The following CTNNA2 variants were observed in gnomAD, a reference collection of about 807,000 sequenced individuals.
CTNNA2 encodes catenin alpha 2.
In CTNNA2, 42 loss-of-function variants were observed where a neutral mutation model predicts 101.0. That is an observed-to-expected ratio of 0.42 (90% CI 0.32 to 0.54). The LOEUF is 0.54. Ranked by LOEUF, CTNNA2 falls within the 20% of genes least tolerant of loss-of-function variation. The probability of loss-of-function intolerance (pLI) is 0.14; values close to 1 mark genes in which losing one functional copy is unlikely to be tolerated. For synonymous variants in CTNNA2, 450 were observed against 456.4 expected (o/e 0.99, Z 0.18); for missense variants, 871 against 1,223.1 (o/e 0.71, Z 4.29).
chr2:80,067,644 A>C (rs554922366), intron 7 of CTNNA2, among the ~76,000 whole-genome samples: 1 of 152,204 alleles, frequency 6.6e-6, no homozygotes, highest in Non-Finnish European at 1.5e-5. Flanking sequence ...AAGATATTCA[A>C]AATTTTACAC....
intron 1 of CTNNA2, among the ~76,000 whole-genome samples, chr2:79,560,429 G>A (rs1046140288): frequency 1.3e-4 from 20 of 151,900 alleles, no homozygotes; most frequent in African/African-American, 4.8e-4. Flanking sequence ...CTTAGAATAT[G>A]GAAATAGCCT....
chr2:79,947,853 G>T (rs1437655650), intron 7 of CTNNA2, among the ~76,000 whole-genome samples: 1 of 152,160 alleles, frequency 6.6e-6, no homozygotes, highest in Non-Finnish European at 1.5e-5. Flanking sequence ...CTAAAAGAGT[G>T]TTATGAAAGA....
intron 2 of CTNNA2, among the ~76,000 whole-genome samples, chr2:79,664,567 A>C (rs114275800): frequency 0.017 from 2,646 of 152,262 alleles, 67 homozygotes; most frequent in African/African-American, 0.058. Context: ...ATGTCAGATA[A>C]ATAATAAGCC....
chr2:79,428,673 C>T (rs1001136071), intron 4 of CTNNA2, among the ~76,000 whole-genome samples: 13 of 152,106 alleles, frequency 8.5e-5, no homozygotes, highest in African/African-American at 3.1e-4. Context: ...AAGCATGCCT[C>T]AGCGTACAGT....
intron 7 of CTNNA2, among the ~76,000 whole-genome samples, chr2:80,095,170 T>C (rs1700065810): frequency 1.3e-5 from 2 of 152,252 alleles, no homozygotes; most frequent in South Asian, 4.1e-4. Context: ...TATTTTGAGA[T>C]ATGTCCCATC....
intron 8 of CTNNA2, among the ~76,000 whole-genome samples, chr2:80,408,361 G>A (rs772004829): frequency 9.2e-5 from 14 of 152,136 alleles, no homozygotes; most frequent in East Asian, 1.9e-4. Flanking sequence ...TTGAGAGCTC[G>A]TCTCTATATC....
chr2:80,614,830 A>G (rs1240582002), intron 17 of CTNNA2, among the ~76,000 whole-genome samples: 3 of 151,440 alleles, frequency 2.0e-5, no homozygotes, highest in Non-Finnish European at 3.0e-5. Context: ...ATTGAACCAA[A>G]TAATTATGGG....
intron 2 of CTNNA2, among the ~76,000 whole-genome samples, chr2:79,728,113 A>T (rs536509370): frequency 6.6e-6 from 1 of 152,300 alleles, no homozygotes; most frequent in African/African-American, 2.4e-5. Context: ...TTGCTGGGTC[A>T]AATGGTATTT....
chr2:79,725,895 T>C (rs1300730087), intron 2 of CTNNA2, among the ~76,000 whole-genome samples: 1 of 152,138 alleles, frequency 6.6e-6, no homozygotes, highest in Admixed American at 6.5e-5. Context: ...ATGATGAGAG[T>C]CCACTGATCT....
At chr2:79,331,093 T>C (rs1676860841) in intron 3 of CTNNA2, among the ~76,000 whole-genome samples, 1 of 152,170 alleles carries the variant, frequency 6.6e-6, no homozygotes, top group Non-Finnish European at 1.5e-5. Flanking sequence ...AAGATTTTTT[T>C]CTCTTTTGAT....
At chr2:80,226,979 T>C (rs1400502821) in intron 7 of CTNNA2, among the ~76,000 whole-genome samples, 1 of 152,162 alleles carries the variant, frequency 6.6e-6, no homozygotes, top group Non-Finnish European at 1.5e-5. Flanking sequence ...TATGTTATCA[T>C]GGATGCTAAA....
chr2:79,894,075 C>T (rs1226350802), intron 6 of CTNNA2, among the ~76,000 whole-genome samples: 1 of 149,988 alleles, frequency 6.7e-6, no homozygotes, highest in Non-Finnish European at 1.5e-5. Context: ...CCTCCTCCTC[C>T]TCCTCCTTCT....
At chr2:79,245,736 T>G (rs1180030539) in intron 2 of CTNNA2, among the ~76,000 whole-genome samples, 1 of 152,220 alleles carries the variant, frequency 6.6e-6, no homozygotes, top group Admixed American at 6.5e-5. Context: ...ACTTATATTC[T>G]AAGAGATATT....
At chr2:79,880,166 G>A (rs1159858803) in intron 6 of CTNNA2, among the ~76,000 whole-genome samples, 2 of 152,212 alleles carry the variant, frequency 1.3e-5, no homozygotes, top group Non-Finnish European at 2.9e-5. Flanking sequence ...CAGGGATGAA[G>A]CTGACTTGGT....
chr2:79,401,315 C>A (rs1249762734), intron 4 of CTNNA2, among the ~76,000 whole-genome samples: 1 of 151,038 alleles, frequency 6.6e-6, no homozygotes, highest in African/African-American at 2.4e-5. Flanking sequence ...CCATTAAATG[C>A]AAAAATAAAA....
chr2:80,497,712 C>G (rs2149527523), intron 9 of CTNNA2, among the ~76,000 whole-genome samples: 1 of 152,306 alleles, frequency 6.6e-6, no homozygotes, highest in African/African-American at 2.4e-5. Flanking sequence ...GAGAGAAACT[C>G]TCCTCCTGGC....
At chr2:80,123,262 C>T (rs1013996708) in intron 7 of CTNNA2, among the ~76,000 whole-genome samples, 33 of 152,120 alleles carry the variant, frequency 2.2e-4, no homozygotes, top group Admixed American at 1.3e-3. Flanking sequence ...GAAACCGGGT[C>T]GTCCTTACAC....
intron 2 of CTNNA2, among the ~76,000 whole-genome samples, chr2:79,691,522 T>A (rs539117992): frequency 2.0e-5 from 3 of 151,426 alleles, no homozygotes; most frequent in African/African-American, 7.3e-5. Context: ...AAAAAAAAAC[T>A]ACTTTAAAAT....
intron 15 of CTNNA2, among the ~76,000 whole-genome samples, chr2:80,599,586 T>C (rs1697286647): frequency 6.6e-6 from 1 of 152,136 alleles, no homozygotes; most frequent in Non-Finnish European, 1.5e-5. Context: ...CTGTTCATGA[T>C]GTGGGGAAAC....
Sources: gnomAD v4.1 joint callset for allele counts (sites outside exome capture counted in the v4.1 genomes callset) on GRCh38, gnomAD v4.1.1 for gene constraint, MANE v1.5 for transcripts, NCBI Gene and HGNC (gene_info 2026-07-23, HGNC 2026-07-21) for gene names.